PDS5A: variants seen among roughly 807,000 people sequenced by gnomAD.
PDS5A encodes PDS5 cohesin associated factor A, also known as sister chromatid cohesion protein PDS5 homolog A.
In PDS5A, 42 loss-of-function variants were observed where a neutral mutation model predicts 167.1. The observed-to-expected ratio is 0.25, with a 90% confidence interval of 0.20 to 0.33. PDS5A has a LOEUF of 0.33. PDS5A is among the 10% of genes least tolerant of loss of function. PDS5A has a pLI of 1.00. For missense variants in PDS5A, 1,033 were observed against 1,605.9 expected, an observed-to-expected ratio of 0.64 and a Z score of 6.10; for synonymous variants, 553 against 554.6, an observed-to-expected ratio of 1.00 and a Z score of 0.04.
At chr4:39,968,525 TG>T (rs1464898936) in intron 2 of PDS5A, among the ~76,000 whole-genome samples, 1 of 150,990 alleles carries the variant, frequency 6.6e-6, no homozygotes. Flanking sequence ...CTCCGCCTCC[TG>T]GGTTCAAGCG....
At chr4:39,912,721 A>C (rs2109688657) in intron 9 of PDS5A, among the ~76,000 whole-genome samples, 1 of 152,372 alleles carries the variant, frequency 6.6e-6, no homozygotes, top group East Asian at 1.9e-4. Flanking sequence ...CTTTTAAAGC[A>C]AAACAGGTAA....
chr4:39,829,873 C>A (rs896714016), intron 32 of PDS5A, among the ~76,000 whole-genome samples: 4 of 131,188 alleles, frequency 3.0e-5, no homozygotes. Flanking sequence ...ATGGCGTGAG[C>A]CCAGGAGGTG....
At chr4:39,918,747 G>A (rs1724643491) in intron 7 of PDS5A, among the ~76,000 whole-genome samples, 1 of 152,138 alleles carries the variant, frequency 6.6e-6, no homozygotes, top group Non-Finnish European at 1.5e-5. Context: ...CAGCCACTAA[G>A]GAGGCTGGAG....
chr4:39,952,491 T>C (rs1401179307), intron 2 of PDS5A, among the ~76,000 whole-genome samples: 1 of 152,140 alleles, frequency 6.6e-6, no homozygotes, highest in African/African-American at 2.4e-5. Flanking sequence ...TCATAATTTG[T>C]TAATCTTTTT....
At chr4:39,904,745 T>C (rs1372357693) in intron 11 of PDS5A, among the ~76,000 whole-genome samples, 2 of 152,226 alleles carry the variant, frequency 1.3e-5, no homozygotes, top group Non-Finnish European at 2.9e-5. Context: ...CCTAGGCTGG[T>C]CTCAAATTTC....
intron 5 of PDS5A, among the ~76,000 whole-genome samples, chr4:39,924,127 G>C (rs1040841030): frequency 6.6e-6 from 1 of 152,114 alleles, no homozygotes; most frequent in African/African-American, 2.4e-5. Flanking sequence ...ATACGAACAG[G>C]CCTGGGCTGT....
chr4:39,890,618 T>A (rs1026492365), intron 16 of PDS5A, among the ~76,000 whole-genome samples: 6 of 152,116 alleles, frequency 3.9e-5, no homozygotes, highest in African/African-American at 1.2e-4. Context: ...TTGGTTGATA[T>A]AGCAACTTTT....
In PDS5A at chr4:39,947,970, G is replaced by A. The variant is rs533103802; in HGVS notation, c.139-19806C>T. Among the ~76,000 whole-genome samples the A allele has an allele frequency of 4.6e-5, 7 of 152,182 alleles. No individual in the cohort carries two copies. In the East Asian group the frequency reaches 1.2e-3, roughly 25 times the overall value. On this transcript the variant is annotated intron_variant, in intron 2 of 32. Transcript: ENST00000303538. Reference sequence around the variant, plus strand: ...TGTCCACACAAAAATTTGCACATAAGCCAGGAATGGTGGCTCACTCCCATG... The same window carrying A: ...TGTCCACACAAAAATTTGCACATAAACCAGGAATGGTGGCTCACTCCCATG...
At chr4:39,976,261 C>T (rs1731071219) in intron 2 of PDS5A, 179 bp downstream of exon 2, 2 of 438,430 alleles carry the variant, frequency 4.6e-6, no homozygotes, top group Admixed American at 3.8e-5. Flanking sequence ...AAATTTCCCA[C>T]AATGGTTATA....
Position 39,902,413 on chromosome 4 carries a change from A to C in PDS5A, c.1433T>G (p.Leu478Arg). The C allele has an allele frequency of 1.3e-6, 2 of 1,596,872 alleles. No individual in the cohort carries two copies. Among genetic ancestry groups the C allele is most frequent in the Non-Finnish European group, 1.7e-6 (2 of 1,167,768 alleles). Residue 478 changes from leucine (L) to arginine (R), a missense_variant, in exon 13 of 33, where the codon CTG becomes CGG. Physicochemically the swap from Leu to Arg is moderately radical, Grantham distance 102. Transcript: ENST00000303538. ...GCATTTCATTCTCTCTTCTGTTTCC[A>C]GGTTGTGGGGGACAAGATACTGAGC... ...IFAQYLVPHNLETEERMKCLY... is the reference protein window; with the variant it reads ...IFAQYLVPHNRETEERMKCLY...
intron 32 of PDS5A, among the ~76,000 whole-genome samples, chr4:39,829,152 C>A (rs1453117531): frequency 6.6e-6 from 1 of 152,198 alleles, no homozygotes; most frequent in Non-Finnish European, 1.5e-5. Flanking sequence ...TTGGTTGAAA[C>A]TGTAATGATA....
intron 6 of PDS5A, among the ~76,000 whole-genome samples, chr4:39,922,102 T>G (rs1725036914): frequency 6.6e-6 from 1 of 152,124 alleles, no homozygotes; most frequent in African/African-American, 2.4e-5. Context: ...TTCAGATTCT[T>G]AGGAGGATCT....
At chr4:39,828,294 C>CCTA (rs1715496849) in intron 32 of PDS5A, among the ~76,000 whole-genome samples, 2 of 152,152 alleles carry the variant, frequency 1.3e-5, no homozygotes, top group South Asian at 4.1e-4. Flanking sequence ...AAGTTAAAAC[C>CCTA]TTTAGCATCA....
intron 2 of PDS5A, chr4:39,974,322 G>A (rs186175124): frequency 3.0e-5 from 15 of 507,842 alleles, no homozygotes; most frequent in Middle Eastern, 6.7e-4. Context: ...TCAACAGAGC[G>A]GTTGCTAACA....
intron 31 of PDS5A, among the ~76,000 whole-genome samples, chr4:39,838,779 G>C (rs1716673170): frequency 6.6e-6 from 1 of 152,064 alleles, no homozygotes; most frequent in African/African-American, 2.4e-5. Context: ...CACTACTTTG[G>C]GAGGCCGAGA....
chr4:39,966,547 T>G (rs1245462658), intron 2 of PDS5A, among the ~76,000 whole-genome samples: 18 of 152,190 alleles, frequency 1.2e-4, no homozygotes, highest in Non-Finnish European at 2.6e-4. Context: ...ACGAGGATAC[T>G]TTCACAAAAC....
At chr4:39,872,852 T>A in intron 21 of PDS5A, 134 bp downstream of exon 21, 1 of 468,680 alleles carries the variant, frequency 2.1e-6, no homozygotes. Flanking sequence ...TTTAAATAAA[T>A]AAAAAATAAG....
At chr4:39,925,185 CCAAAA>C (rs1313529640) in intron 5 of PDS5A, among the ~76,000 whole-genome samples, 1 of 151,924 alleles carries the variant, frequency 6.6e-6, no homozygotes, top group Non-Finnish European at 1.5e-5. Context: ...AAAAACCAAA[CCAAAA>C]CAAAACAAAA....
At chr4:39,970,424 T>C (rs1056260914) in intron 2 of PDS5A, among the ~76,000 whole-genome samples, 5 of 147,676 alleles carry the variant, frequency 3.4e-5, no homozygotes, top group African/African-American at 1.3e-4. Context: ...AGCTTCACAA[T>C]AGTTTCTCTC....
Sources: gnomAD v4.1 joint callset for allele counts (sites outside exome capture counted in the v4.1 genomes callset) on GRCh38, gnomAD v4.1.1 for gene constraint, MANE v1.5 for transcripts, NCBI Gene and HGNC (gene_info 2026-07-23, HGNC 2026-07-21) for gene names.